Variants in IQCM observed in about 807,000 individuals in gnomAD.
IQCM encodes the protein IQ domain-containing protein M.
A neutral mutation model predicts 57.6 loss-of-function variants in IQCM; 45 were observed. The ratio of observed to expected loss-of-function variants is 0.78; its 90% CI spans 0.62 to 1.00. IQCM has a LOEUF of 1.00. Ranked by LOEUF, IQCM falls within the 50% of genes least tolerant of loss-of-function variation. The probability of loss-of-function intolerance (pLI) is 0.00; values close to 1 mark genes in which losing one functional copy is unlikely to be tolerated. For missense variants in IQCM, 468 were observed against 511.6 expected (o/e 0.91, Z 0.82); for synonymous variants, 148 against 158.9 (o/e 0.93, Z 0.51).
intron 13 of IQCM, among the ~76,000 whole-genome samples, chr4:149,360,826 C>G (rs572109507): frequency 4.1e-4 from 62 of 152,172 alleles, no homozygotes; most frequent in African/African-American, 1.5e-3. Context: ...AAATTGGTAC[C>G]AGCAGAGTGG....
At chr4:149,463,852 G>A (rs371841420) in intron 12 of IQCM, among the ~76,000 whole-genome samples, 108 of 152,236 alleles carry the variant, frequency 7.1e-4, no homozygotes, top group African/African-American at 2.5e-3. Flanking sequence ...CATACCAGAT[G>A]TTCAACATTT....
intron 12 of IQCM, among the ~76,000 whole-genome samples, chr4:149,542,562 T>C (rs564738414): frequency 6.6e-6 from 1 of 152,066 alleles, no homozygotes; most frequent in Non-Finnish European, 1.5e-5. Flanking sequence ...CCATAAAATA[T>C]GTATAAACGA....
At chr4:149,703,847 T>C (rs1763951448) in intron 5 of IQCM, among the ~76,000 whole-genome samples, 1 of 151,896 alleles carries the variant, frequency 6.6e-6, no homozygotes, top group African/African-American at 2.4e-5. Flanking sequence ...CAAAAACTGT[T>C]AGAACAGTAA....
intron 12 of IQCM, among the ~76,000 whole-genome samples, chr4:149,547,524 A>C (rs1440507175): frequency 1.3e-5 from 2 of 152,166 alleles, no homozygotes; most frequent in African/African-American, 4.8e-5. Flanking sequence ...CAAAACATAC[A>C]AACTTTTTGT....
intron 2 of IQCM, among the ~76,000 whole-genome samples, chr4:149,748,301 T>A (rs1373439140): frequency 1.3e-5 from 2 of 152,224 alleles, no homozygotes; most frequent in Non-Finnish European, 2.9e-5. Context: ...ATAAAATAGA[T>A]ATTATGTTCT....
chr4:149,574,180 C>T (rs1049833373), intron 9 of IQCM, among the ~76,000 whole-genome samples: 7 of 151,888 alleles, frequency 4.6e-5, no homozygotes, highest in Non-Finnish European at 1.0e-4. Context: ...GACTAAGTGA[C>T]CTCCTCTGAG....
intron 12 of IQCM, among the ~76,000 whole-genome samples, chr4:149,537,796 G>A (rs1747449925): frequency 1.3e-5 from 2 of 151,794 alleles, no homozygotes; most frequent in South Asian, 4.1e-4. Context: ...TAGGCAGAAG[G>A]CAGTAGAAGG....
At chr4:149,441,535 A>T (rs1735940812) in intron 12 of IQCM, among the ~76,000 whole-genome samples, 1 of 152,106 alleles carries the variant, frequency 6.6e-6, no homozygotes, top group East Asian at 1.9e-4. Flanking sequence ...TTCTTTTTTC[A>T]TGAAAAGTAG....
chr4:149,502,827 G>A (rs1268978630), intron 12 of IQCM, among the ~76,000 whole-genome samples: 1 of 152,082 alleles, frequency 6.6e-6, no homozygotes, highest in East Asian at 1.9e-4. Flanking sequence ...GAGTGAAAAT[G>A]TACAAGCAAT....
chr4:149,531,670 A>G (rs1003625970), intron 12 of IQCM, among the ~76,000 whole-genome samples: 2 of 152,124 alleles, frequency 1.3e-5, no homozygotes, highest in Admixed American at 6.6e-5. Flanking sequence ...ACTGTTATAA[A>G]TATGTAGAAA....
At chr4:149,729,887 G>A (rs536475895) in intron 5 of IQCM, among the ~76,000 whole-genome samples, 12 of 152,226 alleles carry the variant, frequency 7.9e-5, no homozygotes, top group African/African-American at 2.9e-4. Flanking sequence ...AAGACCCTAA[G>A]TACCTAGTAT....
intron 12 of IQCM, among the ~76,000 whole-genome samples, chr4:149,506,022 T>C (rs1743777892): frequency 6.6e-6 from 1 of 152,198 alleles, no homozygotes; most frequent in Non-Finnish European, 1.5e-5. Context: ...GACTCTTACT[T>C]ATCCACAAGA....
chr4:149,632,107 T>G (rs1757316702), intron 7 of IQCM, among the ~76,000 whole-genome samples: 1 of 152,244 alleles, frequency 6.6e-6, no homozygotes, highest in Non-Finnish European at 1.5e-5. Flanking sequence ...CTGAAGCTGG[T>G]TGATAATCCC....
intron 7 of IQCM, among the ~76,000 whole-genome samples, chr4:149,653,031 A>T (rs1028515967): frequency 6.6e-6 from 1 of 152,172 alleles, no homozygotes; most frequent in Non-Finnish European, 1.5e-5. Flanking sequence ...GCAGTGAAAA[A>T]TGTTGACAAA....
chr4:149,740,225 C>A (rs1380382628), intron 3 of IQCM, among the ~76,000 whole-genome samples: 1 of 152,098 alleles, frequency 6.6e-6, no homozygotes, highest in Non-Finnish European at 1.5e-5. Context: ...TAAGGCCAAC[C>A]CTGTGTATGT....
At chr4:149,662,482 A>G (rs1760311510) in intron 7 of IQCM, among the ~76,000 whole-genome samples, 1 of 151,818 alleles carries the variant, frequency 6.6e-6, no homozygotes, top group African/African-American at 2.4e-5. Flanking sequence ...TTTTATCTTA[A>G]TGATCTGTCC....
At chr4:149,727,289 G>T (rs1580137507) in intron 5 of IQCM, among the ~76,000 whole-genome samples, 2 of 152,012 alleles carry the variant, frequency 1.3e-5, no homozygotes, top group African/African-American at 4.8e-5. Context: ...CCCAATTCTT[G>T]GTTTCTGCCC....
At chr4:149,531,452 C>A (rs2149852793) in intron 12 of IQCM, among the ~76,000 whole-genome samples, 1 of 152,232 alleles carries the variant, frequency 6.6e-6, no homozygotes, top group East Asian at 1.9e-4. Context: ...TTCCTCCCTG[C>A]ATTCTTTCCC....
chr4:149,485,245 T>A (rs1741343965), intron 12 of IQCM, among the ~76,000 whole-genome samples: 1 of 152,090 alleles, frequency 6.6e-6, no homozygotes, highest in Non-Finnish European at 1.5e-5. Flanking sequence ...AATGTTGATA[T>A]CTTTCTCTAG....
Sources: gnomAD v4.1 joint callset for allele counts (sites outside exome capture counted in the v4.1 genomes callset) on GRCh38, gnomAD v4.1.1 for gene constraint, MANE v1.5 for transcripts, NCBI Gene and HGNC (gene_info 2026-07-23, HGNC 2026-07-21) for gene names.